Variants in CELSR1 observed in about 807,000 individuals in gnomAD.
CELSR1 encodes the protein cadherin EGF LAG seven-pass G-type receptor 1.
CELSR1 carries 110 observed loss-of-function variants against 249.1 expected under a neutral mutation model. The ratio of observed to expected loss-of-function variants is 0.44; its 90% confidence interval spans 0.38 to 0.52. The LOEUF (loss-of-function observed/expected upper bound fraction) is 0.52. Among genes scored for constraint, CELSR1 ranks in the 20% least tolerant of loss-of-function variants. The probability of loss-of-function intolerance (pLI) is 0.00; values close to 1 mark genes in which losing one functional copy is unlikely to be tolerated. For synonymous variants in CELSR1, 2,113 were observed against 1,900.0 expected (o/e 1.11, Z -2.92); for missense variants, 4,109 against 4,296.4 (o/e 0.96, Z 1.22).
rs1161423943 is a variant in CELSR1 at position 46,361,541 on chromosome 22, C to CTA, written c.*1680_*1681dup. 1.3e-5 allele frequency: 2 copies of CTA among 152,204 alleles called. No individual in the cohort carries two copies. The highest frequency in any genetic ancestry group is 3.8e-4 in the East Asian group (2 of 5,204). The allele number at this position is 152,204 out of a possible 1,614,324, so 9.4% of individuals were successfully genotyped here. On this transcript the variant is annotated 3_prime_UTR_variant, in exon 35 of 35. Coordinates refer to ENST00000674500, the MANE Select transcript of CELSR1 (RefSeq NM_001378328.1). The stretch of plus-strand genomic sequence containing the variant: ...CGCCAGGGGCAAACGTTTAAAGGGA[C>CTA]TAGAGTTTTTTATCTTCGAAAGACC...
Position 46,390,511 on chromosome 22 carries a change from A to C in CELSR1, c.6251-25T>G. On this transcript the variant is annotated intron_variant, in intron 16 of 34. Transcript: ENST00000674500. This position sits in a 1 kb window ranked among gnomAD's most constrained non-coding sequence, Gnocchi z 6.3. ...CCTGGGGAAGGAGAGCAGGTGTGCA[A>C]AGCCTGAAACTCAAACTGTTGATCA... 1 of 1,582,588 alleles carries C rather than the reference A, an allele frequency of 6.3e-7. No homozygotes were observed. Among genetic ancestry groups the C allele is most frequent in the Non-Finnish European group, 8.7e-7 (1 of 1,153,548 alleles).
chr22:46,449,592 T>C (rs2079859474), intron 2 of CELSR1, among the ~76,000 whole-genome samples: 1 of 152,208 alleles, frequency 6.6e-6, no homozygotes, highest in Non-Finnish European at 1.5e-5. Flanking sequence ...GGCCATTCTT[T>C]AGGCAGTGGG....
chr22:46,481,987 G>A lies in CELSR1; in HGVS notation c.3545-17642C>T, dbSNP rs1237971140. ...GGGGTTTCGCCATGTTGGACAGGCT[G>A]GTCTCGAACTCCTGAGCTCAGGTGA... On this transcript the variant is annotated intron_variant, in intron 1 of 34. Coordinates refer to ENST00000674500, the MANE Select transcript of CELSR1 (RefSeq NM_001378328.1). 3.3e-5 allele frequency among the ~76,000 whole-genome samples: 5 copies of A among 152,092 alleles called. No homozygotes were observed. The South Asian group carries it at 6.2e-4, about 19-fold the overall frequency.
rs1337987164 is a variant in CELSR1, at chr22:46,506,244, G to A, written c.3544+27383C>T. Among the ~76,000 whole-genome samples, 1 of 152,032 alleles carries A rather than the reference G, an allele frequency of 6.6e-6. No individual in the cohort carries two copies. Among genetic ancestry groups the A allele is most frequent in the African/African-American group, 2.4e-5 (1 of 41,390 alleles). ...AACTACTGACTACTGACGGATTGCT[G>A]GGTTCTGGATGGACATGCAGAGCAC... On this transcript the variant is annotated intron_variant, in intron 1 of 34. Transcript: ENST00000674500. The surrounding 1 kb of genome is among the most constrained non-coding windows in gnomAD (Gnocchi z 4.1).
intron 29 of CELSR1, 134 bp from the exon 30 acceptor site, chr22:46,366,614 G>A (rs1346071455): frequency 1.3e-6 from 1 of 743,626 alleles, no homozygotes; most frequent in Non-Finnish European, 2.3e-6. Context: ...CACAGGAGGA[G>A]CTGGCCCCAA....
At chr22:46,510,588 C>T (rs4823837) in intron 1 of CELSR1, among the ~76,000 whole-genome samples, 23,925 of 152,086 alleles carry the variant, frequency 0.16, 2,335 homozygotes, top group African/African-American at 0.28. Flanking sequence ...GCCTTCATCT[C>T]GGCTCACACG....
Position 46,533,707 on chromosome 22 carries a change from G to A in CELSR1, c.3464C>T (p.Pro1155Leu). Residue 1155 changes from proline to leucine, a missense_variant, in exon 1 of 35, where the codon CCC becomes CTC. Around this residue, in one of 7 missense-constraint regions of CELSR1, gnomAD observed 886 missense variants for 896.5 expected, o/e 0.99. Transcript: ENST00000674500. ...GCTGAGCTGCAGTTCGCCCGTGGCG[G>A]GGTCCAGCAGCAACAGGCGCAGCTC... Reference protein sequence around the residue: ...GNELRLLLLDPATGELQLSRD... With the variant: ...GNELRLLLLDLATGELQLSRD... 1 of 1,612,388 alleles carries A rather than the reference G, an allele frequency of 6.2e-7. No homozygotes were observed. Among genetic ancestry groups the A allele is most frequent in the Non-Finnish European group, 8.5e-7 (1 of 1,179,840 alleles).
rs990619020 is a variant in CELSR1, at chr22:46,418,328, C to G, written c.4612-6569G>C. 2.6e-5 allele frequency among the ~76,000 whole-genome samples: 4 copies of G among 151,574 alleles called. No individual in the cohort carries two copies. The East Asian group carries it at 7.7e-4, about 29-fold the overall frequency. On this transcript the variant is annotated intron_variant, in intron 5 of 34. Transcript: ENST00000674500. ...AAACCCCATCTCTACTGAAAAAATACAAAAAAAATTAGCCAGGCATGGTGG... is the reference window on the plus strand; with the variant it reads ...AAACCCCATCTCTACTGAAAAAATAGAAAAAAAATTAGCCAGGCATGGTGG...
Position 46,410,246 on chromosome 22 carries a change from G to T in CELSR1, c.4933+152C>A. The T allele has an allele frequency of 3.1e-6, 3 of 981,434 alleles. No individual in the cohort carries two copies. The highest frequency in any genetic ancestry group is 4.5e-6 in the Non-Finnish European group (3 of 669,264). 60.8% of individuals were successfully genotyped at this position (981,434 alleles called of 1,614,324 possible). A position where few individuals can be genotyped will look rare whatever the true frequency, so the allele number is the denominator to read the frequency against. On this transcript the variant is annotated intron_variant, in intron 7 of 34. Coordinates refer to ENST00000674500, the MANE Select transcript of CELSR1 (RefSeq NM_001378328.1). The surrounding 1 kb of genome is among the most constrained non-coding windows in gnomAD (Gnocchi z 6.8). ...TGCACATCTCCAGCCTGGACTCCGG[G>T]TTCCATCCCAGGAGCTGCCCACCGC...
intron 18 of CELSR1, among the ~76,000 whole-genome samples, chr22:46,387,665 C>A (rs1490264075): frequency 6.6e-6 from 1 of 152,124 alleles, no homozygotes; most frequent in East Asian, 1.9e-4. Context: ...GGCCAGAAGT[C>A]ATTTTTTAAT....
In CELSR1 at chr22:46,429,690, C is replaced by T. The variant is rs2079572784; in HGVS notation, c.4611+3703G>A. Among the ~76,000 whole-genome samples, 1 of 152,204 alleles carries T rather than the reference C, an allele frequency of 6.6e-6. No individual in the cohort carries two copies. Among genetic ancestry groups the T allele is most frequent in the East Asian group, 1.9e-4 (1 of 5,194 alleles). On this transcript the variant is annotated intron_variant, in intron 5 of 34. Transcript: ENST00000674500. The surrounding 1 kb of genome is among the most constrained non-coding windows in gnomAD (Gnocchi z 4.1). Reference sequence around the variant, plus strand: ...TCTGGTGGCTTTGGCCAGTGGGGAGCCAGACGGGAGGATAGAGTGAGGGAG... The same window carrying T: ...TCTGGTGGCTTTGGCCAGTGGGGAGTCAGACGGGAGGATAGAGTGAGGGAG...
At chr22:46,474,334 A>C (rs1278113405) in intron 1 of CELSR1, among the ~76,000 whole-genome samples, 1 of 151,972 alleles carries the variant, frequency 6.6e-6, no homozygotes, top group Admixed American at 6.6e-5. Flanking sequence ...TTGGAATCCA[A>C]GTCCACACTC....
rs975493935 is a variant in CELSR1 at position 46,537,443 on chromosome 22, C to T, written c.-273G>A. On this transcript the variant is annotated 5_prime_UTR_variant, in exon 1 of 35. Coordinates refer to ENST00000674500, the MANE Select transcript of CELSR1 (RefSeq NM_001378328.1). This position sits in a 1 kb window ranked among gnomAD's most constrained non-coding sequence, Gnocchi z 5.8. ...GTCCCGGGAGGGCGCCGCGCATCAA[C>T]CTGCGGCGGCGGCGGCGGCTCCAGG... 1.4e-5 allele frequency among the ~76,000 whole-genome samples: 2 copies of T among 146,502 alleles called. No individual in the cohort carries two copies. Among genetic ancestry groups the T allele is most frequent in the African/African-American group, 2.5e-5 (1 of 40,140 alleles).
chr22:46,475,661 G>GT (rs1226677787), intron 1 of CELSR1, among the ~76,000 whole-genome samples: 4 of 150,170 alleles, frequency 2.7e-5, no homozygotes, highest in South Asian at 2.1e-4. Flanking sequence ...GAAACGAATG[G>GT]GGGGGGAAGA....
In CELSR1 at chr22:46,393,353, C is replaced by A. The variant is rs147782421; in HGVS notation, c.5964+789G>T. 8.4e-3 allele frequency among the ~76,000 whole-genome samples: 1,280 copies of A among 152,348 alleles called. 23 individuals are homozygous for A. Among genetic ancestry groups the A allele is most frequent in the African/African-American group, 0.029 (1,193 of 41,584 alleles). ...GCTCCGTGCTGCATGCAGGTTAGGACTGACCGCCCTGGACAGGCGTGGGGC... is the reference window on the plus strand; with the variant it reads ...GCTCCGTGCTGCATGCAGGTTAGGAATGACCGCCCTGGACAGGCGTGGGGC... On this transcript the variant is annotated intron_variant, in intron 14 of 34. Coordinates refer to ENST00000674500, the MANE Select transcript of CELSR1 (RefSeq NM_001378328.1). This position sits in a 1 kb window ranked among gnomAD's most constrained non-coding sequence, Gnocchi z 4.1.
At chr22:46,498,116 C>T (rs1232817982) in intron 1 of CELSR1, among the ~76,000 whole-genome samples, 7 of 151,262 alleles carry the variant, frequency 4.6e-5, no homozygotes, top group Non-Finnish European at 8.8e-5. Flanking sequence ...GGTGTGGTGG[C>T]GCACACCTGT....
chr22:46,455,106 TG>T (rs763076628), intron 2 of CELSR1, among the ~76,000 whole-genome samples: 2 of 152,166 alleles, frequency 1.3e-5, no homozygotes, highest in Non-Finnish European at 2.9e-5. Flanking sequence ...AGATACCACC[TG>T]GGGCTACCAG....
chr22:46,373,154 C>G, intron 24 of CELSR1, 97 bp from the exon 25 acceptor site: 1 of 1,285,160 alleles, frequency 7.8e-7, no homozygotes, highest in Non-Finnish European at 1.1e-6. Context: ...GCTCACAATT[C>G]GGACCACCCT....
chr22:46,442,683 T>C lies in CELSR1; in HGVS notation c.4184-3272A>G, dbSNP rs954927736. Among the ~76,000 whole-genome samples the C allele has an allele frequency of 1.2e-4, 19 of 152,334 alleles. No individual in the cohort carries two copies. In the East Asian group the frequency reaches 2.5e-3, roughly 20 times the overall value. ...GCTTTTGAAGAACAAATGAAACTGA[T>C]TTATAATCAGCATAACAATCATCAG... is the stretch of plus-strand genomic sequence containing the variant. On this transcript the variant is annotated intron_variant, in intron 2 of 34. Coordinates refer to ENST00000674500, the MANE Select transcript of CELSR1 (RefSeq NM_001378328.1).
Sources: gnomAD v4.1 joint callset for allele counts (sites outside exome capture counted in the v4.1 genomes callset) on GRCh38, gnomAD v4.1.1 for gene constraint, gnomAD v4.1.1 regional missense constraint, Gnocchi (gnomAD v3.1) non-coding constraint, MANE v1.5 for transcripts, NCBI Gene and HGNC (gene_info 2026-07-23, HGNC 2026-07-21) for gene names.